The following MSX1 variants were observed in gnomAD, a reference collection of about 807,000 sequenced individuals.
MSX1 encodes the protein homeobox protein MSX-1.
MSX1 carries 11 observed loss-of-function variants against 17.0 expected under a neutral mutation model. That is an observed-to-expected ratio of 0.65 (90% CI 0.41 to 1.07). The LOEUF (loss-of-function observed/expected upper bound fraction) is 1.07, where lower values mean the gene tolerates loss of function less well. MSX1 is among the 50% of genes least tolerant of loss of function. MSX1 has a pLI of 0.00. For synonymous variants in MSX1, 253 were observed against 211.8 expected (o/e 1.19, Z -1.69); for missense variants, 477 against 440.1 (o/e 1.08, Z -0.75).
In MSX1 at chr4:4,863,088, C is replaced by T. The variant is rs1425150458; in HGVS notation, c.857C>T (p.Ala286Val). ...TTCCAGCGCGCCGCGCTGCCTGTGG[C>T]GCCCGTGGGACTCTACACGGCCCAT... is the stretch of plus-strand genomic sequence containing the variant. The part of the protein sequence containing the change: ...GPFQRAALPV[A>V]PVGLYTAHVG... The change falls in exon 2 of 2, where the codon GCG (alanine) becomes GTG (valine). Residue 286 changes from alanine (A) to valine (V), a missense_variant. Physicochemically the swap from Ala to Val is moderately conservative, Grantham distance 64. This residue lies in a region of MSX1 where 114 missense variants were observed against 106.3 expected (regional missense o/e 1.07). Coordinates refer to ENST00000382723, the MANE Select transcript of MSX1 (RefSeq NM_002448.3). The T allele has an allele frequency of 1.2e-6, 2 of 1,608,780 alleles. No homozygotes were observed. The highest frequency in any genetic ancestry group is 1.7e-4 in the Middle Eastern group (1 of 5,756).
At position 4,863,038 on chromosome 4, in the gene MSX1, C is replaced by T; in HGVS notation, c.807C>T (p.Ala269=). The change falls in exon 2 of 2, where the codon GCC becomes GCT. Residue 269 remains alanine (A), a synonymous_variant. Transcript: ENST00000382723. ...GPAAVAAAAG[A]SLYGASGPFQ... ...CAGCTGTAGCGGCCGCGGCGGGTGC[C>T]TCGCTCTACGGTGCCTCTGGCCCCT... 6.2e-7 allele frequency: 1 copy of T among 1,609,806 alleles called. No homozygotes were observed. Among genetic ancestry groups the T allele is most frequent in the Non-Finnish European group, 8.5e-7 (1 of 1,178,688 alleles).
chr4:4,859,994 C>A lies in MSX1; in HGVS notation c.95C>A (p.Ala32Asp). 2.0e-6 allele frequency: 3 copies of A among 1,491,762 alleles called. 1 individual carries two copies. Among genetic ancestry groups the A allele is most frequent in the South Asian group, 2.6e-5 (2 of 76,568 alleles). The allele number at this position is 1,491,762 out of a possible 1,614,324, so 92.4% of individuals were successfully genotyped here. ...CCGGCGGGGGGAGGCGCGGGCCAGG[C>A]CCCCAGCGCCGCCGCGGCCACGGCA... ...GKPAGGGAGQ[A>D]PSAAAATAAA... Residue 32 changes from alanine (A) to aspartate (D), a missense_variant, in exon 1 of 2, where the codon GCC becomes GAC. By Grantham distance (126) the Ala-to-Asp change is moderately radical (BLOSUM62 -2). Transcript: ENST00000382723.
Position 4,859,749 on chromosome 4 carries a change from G to C in MSX1, c.-151G>C, listed in dbSNP as rs1737860972. The C allele has an allele frequency of 2.4e-6, 1 of 418,820 alleles. No homozygotes were observed. The highest frequency in any genetic ancestry group is 2.1e-5 in the African/African-American group (1 of 46,938). 25.9% of individuals were successfully genotyped at this position (418,820 alleles called of 1,614,324 possible). The stretch of plus-strand genomic sequence containing the variant: ...GGCCAGGCCCAGCACGCCGGAGCTG[G>C]CCTGCTGGGGAGGGGCGGGAGGCGC... On this transcript the variant is annotated 5_prime_UTR_variant, in exon 1 of 2. Transcript: ENST00000382723.
intron 1 of MSX1, 41 bp downstream of exon 1, chr4:4,860,409 TGGGGGCC>T: frequency 6.9e-6 from 1 of 144,676 alleles, no homozygotes; most frequent in Non-Finnish European, 8.5e-6. Context: ...GGGGGCCGGG[TGGGGGCC>T]GGGTGGGGTG....
chr4:4,861,045 C>T (rs1386805063), intron 1 of MSX1, among the ~76,000 whole-genome samples: 1 of 152,272 alleles, frequency 6.6e-6, no homozygotes, highest in East Asian at 1.9e-4. Context: ...AGGCGGTTCG[C>T]TCCAAGGCCT....
At position 4,862,984 on chromosome 4, in the gene MSX1, C is replaced by T; in HGVS notation, c.753C>T (p.Phe251=). 1 of 1,612,948 alleles carries T rather than the reference C, an allele frequency of 6.2e-7. No individual in the cohort carries two copies. The highest frequency in any genetic ancestry group is 1.7e-5 in the Admixed American group (1 of 60,016). Residue 251 remains phenylalanine, a synonymous_variant, in exon 2 of 2, where the codon TTC becomes TTT. Coordinates refer to ENST00000382723, the MANE Select transcript of MSX1 (RefSeq NM_002448.3). ...AGCCCATGCTGCCACCGGCTGCCTT[C>T]GGCCTCTCCTTCCCTCTCGGCGGCC... ...AAKPMLPPAA[F]GLSFPLGGPA...
At position 4,863,016 on chromosome 4, in the gene MSX1, C is replaced by G. The variant is rs1322330821; in HGVS notation, c.785C>G (p.Ala262Gly). 2 of 1,611,508 alleles carry G rather than the reference C, an allele frequency of 1.2e-6. No individual in the cohort carries two copies. Among genetic ancestry groups the G allele is most frequent in the Non-Finnish European group, 1.7e-6 (2 of 1,179,298 alleles). ...GLSFPLGGPA[A>G]VAAAAGASLY... ...TCCTTCCCTCTCGGCGGCCCCGCAG[C>G]TGTAGCGGCCGCGGCGGGTGCCTCG... is the stretch of plus-strand genomic sequence containing the variant. Residue 262 changes from alanine (A) to glycine (G), a missense_variant, in exon 2 of 2, where the codon GCT (alanine) becomes GGT (glycine). By Grantham distance (60) the Ala-to-Gly change is moderately conservative. This residue lies in a region of MSX1 where 114 missense variants were observed against 106.3 expected (regional missense o/e 1.07). Coordinates refer to ENST00000382723, the MANE Select transcript of MSX1 (RefSeq NM_002448.3).
In MSX1 at chr4:4,863,811, T is replaced by C. The variant is rs1360090689; in HGVS notation, c.*668T>C. 3 of 152,116 alleles carry C rather than the reference T, an allele frequency of 2.0e-5. No homozygotes were observed. The highest frequency in any genetic ancestry group is 7.3e-5 in the African/African-American group (3 of 41,318). The allele number at this position is 152,116 out of a possible 1,614,324, so 9.4% of individuals were successfully genotyped here. A position where few individuals can be genotyped will look rare whatever the true frequency, so the allele number is the denominator to read the frequency against. On this transcript the variant is annotated 3_prime_UTR_variant, in exon 2 of 2. Coordinates refer to ENST00000382723, the MANE Select transcript of MSX1 (RefSeq NM_002448.3). ...CTCTTTCTATTTAACAGTACATTTGTGTGGCTCTCAAACATCCCTTTGGAA... is the reference window on the plus strand; with the variant it reads ...CTCTTTCTATTTAACAGTACATTTGCGTGGCTCTCAAACATCCCTTTGGAA...
rs537984383 is a variant in MSX1, at chr4:4,860,122, G to C, written c.223G>C (p.Ala75Pro). 2.0e-6 allele frequency: 3 copies of C among 1,515,032 alleles called. No homozygotes were observed. Among genetic ancestry groups the C allele is most frequent in the Non-Finnish European group, 2.6e-6 (3 of 1,136,504 alleles). 93.8% of individuals were successfully genotyped at this position (1,515,032 alleles called of 1,614,324 possible). Residue 75 changes from alanine (A) to proline (P), a missense_variant, in exon 1 of 2, where the codon GCC (alanine) becomes CCC (proline). Coordinates refer to ENST00000382723, the MANE Select transcript of MSX1 (RefSeq NM_002448.3). ...CATGGCCGACCACAGGAAGCCGGGG[G>C]CCAAGGAGAGCGCCCTGGCGCCCTC... is the stretch of plus-strand genomic sequence containing the variant. ...ALMADHRKPG[A>P]KESALAPSEG...
In MSX1 at chr4:4,859,930, C is replaced by A; in HGVS notation, c.31C>A (p.Pro11Thr). 1 of 1,497,626 alleles carries A rather than the reference C, an allele frequency of 6.7e-7. No individual in the cohort carries two copies. The highest frequency in any genetic ancestry group is 2.8e-5 in the East Asian group (1 of 35,204). The allele number at this position is 1,497,626 out of a possible 1,614,324, so 92.8% of individuals were successfully genotyped here. ...CCCGGCTGCTGACATGACTTCTTTG[C>A]CACTCGGTGTCAAAGTGGAGGACTC... MAPAADMTSL[P>T]LGVKVEDSAF... The change falls in exon 1 of 2, where the codon CCA (proline) becomes ACA (threonine). Residue 11 changes from proline (P) to threonine (T), a missense_variant. By Grantham distance (38) the Pro-to-Thr change is conservative. Around this residue, in one of 3 missense-constraint regions of MSX1, gnomAD observed 355 missense variants for 306.1 expected, o/e 1.16. Coordinates refer to ENST00000382723, the MANE Select transcript of MSX1 (RefSeq NM_002448.3).
rs1737974782 is a variant in MSX1 at position 4,863,549 on chromosome 4, T to C, written c.*406T>C. The C allele has an allele frequency of 7.7e-5, 1 of 12,904 alleles. No homozygotes were observed. The highest frequency in any genetic ancestry group is 1.0e-3 in the Admixed American group (1 of 990). 0.8% of individuals were successfully genotyped at this position (12,904 alleles called of 1,614,324 possible). ...CTGACGATTTTGGAAATGAGAACAA[T>C]CTCAAAAAAAAAAAAAAAAAAAAAA... On this transcript the variant is annotated 3_prime_UTR_variant, in exon 2 of 2. Transcript: ENST00000382723.
At chr4:4,860,490 G>A in intron 1 of MSX1, 122 bp downstream of exon 1, 1 of 1,277,380 alleles carries the variant, frequency 7.8e-7, no homozygotes, top group Non-Finnish European at 1.1e-6. Context: ...CTAGGGAGCC[G>A]TGGGCTGCAA....
At chr4:4,860,632 C>G (rs548171129) in intron 1 of MSX1, among the ~76,000 whole-genome samples, 9 of 152,314 alleles carry the variant, frequency 5.9e-5, no homozygotes, top group African/African-American at 2.2e-4. Context: ...TCCTCCTGCC[C>G]CCACCAAACG....
chr4:4,862,221 A>G (rs184503763), intron 1 of MSX1, among the ~76,000 whole-genome samples: 3 of 152,296 alleles, frequency 2.0e-5, no homozygotes, highest in African/African-American at 7.2e-5. Context: ...ACACTGAAGC[A>G]CTCCGTGGGC....
chr4:4,861,749 G>T (rs932941622), intron 1 of MSX1, among the ~76,000 whole-genome samples: 4 of 152,230 alleles, frequency 2.6e-5, no homozygotes, highest in African/African-American at 9.6e-5. Context: ...ACCTGCACTA[G>T]TCCTGCGCTC....
Position 4,862,043 on chromosome 4 carries a change from G to A in MSX1, c.470-658G>A, listed in dbSNP as rs1164189827. Among the ~76,000 whole-genome samples the A allele has an allele frequency of 9.2e-5, 14 of 152,296 alleles. No individual in the cohort carries two copies. The East Asian group carries it at 2.5e-3, about 27-fold the overall frequency. ...CAGCCCCTCGTTCTCCGCTCCAGAT[G>A]ACACTTTCTGTTTCTAAGAGGGCTG... On this transcript the variant is annotated intron_variant, in intron 1 of 1. Transcript: ENST00000382723.
At chr4:4,860,870 G>C (rs891728443) in intron 1 of MSX1, among the ~76,000 whole-genome samples, 1 of 152,204 alleles carries the variant, frequency 6.6e-6, no homozygotes, top group African/African-American at 2.4e-5. Flanking sequence ...GTTTGAGGCA[G>C]ATAGTTGGTG....
rs540547022 is a variant in MSX1, at chr4:4,859,821, C to G, written c.-79C>G. ...CAGGGCCCCGGGCGCTCGCAGAGGC[C>G]GGCCGCGCTCCCAGCCCGCCCGGAG... On this transcript the variant is annotated 5_prime_UTR_variant, in exon 1 of 2. Transcript: ENST00000382723. The G allele has an allele frequency of 6.3e-6, 8 of 1,278,118 alleles. No individual in the cohort carries two copies. The highest frequency in any genetic ancestry group is 4.7e-5 in the African/African-American group (3 of 63,284). 79.2% of individuals were successfully genotyped at this position (1,278,118 alleles called of 1,614,324 possible). A position where few individuals can be genotyped will look rare whatever the true frequency, so the allele number is the denominator to read the frequency against.
In MSX1 at chr4:4,860,101, G is replaced by T; in HGVS notation, c.202G>T (p.Ala68Ser). 1 of 1,518,600 alleles carries T rather than the reference G, an allele frequency of 6.6e-7. No homozygotes were observed. The allele number at this position is 1,518,600 out of a possible 1,614,324, so 94.1% of individuals were successfully genotyped here. The change falls in exon 1 of 2, where the codon GCC becomes TCC. Residue 68 changes from alanine (A) to serine (S), a missense_variant. Transcript: ENST00000382723. ...LLPFSVEALMADHRKPGAKES... is the reference protein window; with the variant it reads ...LLPFSVEALMSDHRKPGAKES... ...GCCCTTCAGCGTGGAGGCGCTCATG[G>T]CCGACCACAGGAAGCCGGGGGCCAA...
Sources: allele counts gnomAD v4.1 joint callset (sites outside exome capture counted in the v4.1 genomes callset), GRCh38; gene constraint gnomAD v4.1.1; regional missense constraint gnomAD v4.1.1; transcripts MANE v1.5; gene names NCBI Gene and HGNC (gene_info 2026-07-23, HGNC 2026-07-21).